The following TEX9 variants were observed in gnomAD, a reference collection of about 807,000 sequenced individuals.
TEX9 encodes testis-expressed protein 9.
Under a neutral mutation model 59.6 loss-of-function variants are expected in TEX9, and 74 were observed. The ratio of observed to expected loss-of-function variants is 1.24; its 90% CI spans 1.03 to 1.51. The LOEUF is 1.51. TEX9 is among the 40% of genes most tolerant of loss of function. TEX9 has a pLI of 0.00. For synonymous variants in TEX9, 186 were observed against 152.2 expected, an observed-to-expected ratio of 1.22 and a Z score of -1.64; for missense variants, 522 against 447.8, an observed-to-expected ratio of 1.17 and a Z score of -1.49.
chr15:56,436,270 T>C (rs568878462), intron 12 of TEX9, among the ~76,000 whole-genome samples: 4 of 152,286 alleles, frequency 2.6e-5, no homozygotes, highest in East Asian at 3.9e-4. Context: ...CAGACCACAG[T>C]GCAATCAAAC....
chr15:56,315,762 A>G (rs2045741299), intron 1 of TEX9, among the ~76,000 whole-genome samples: 1 of 146,542 alleles, frequency 6.8e-6, no homozygotes, highest in East Asian at 2.0e-4. Context: ...ACTTGGTTCC[A>G]TTCTCCCCAT....
chr15:56,365,291 G>A, upstream of TEX9: 1 of 942,010 alleles, frequency 1.1e-6, no homozygotes, highest in Non-Finnish European at 1.5e-6. Context: ...GCCGAGTGCT[G>A]CGAGCAAAGG....
At chr15:56,394,768 A>G (rs2142334744) in exon 9 of TEX9, 1 of 1,613,262 alleles carries the variant, frequency 6.2e-7, no homozygotes, top group Non-Finnish European at 8.5e-7. Context: ...AAAAATACAA[A>G]ACTCTTTTCG....
At chr15:56,372,972 C>A (rs1287302939) in intron 2 of TEX9, among the ~76,000 whole-genome samples, 1 of 152,132 alleles carries the variant, frequency 6.6e-6, no homozygotes, top group African/African-American at 2.4e-5. Flanking sequence ...GGTCTGCTCA[C>A]TAAACCTCAC....
At chr15:56,425,052 A>T (rs2050175756) in intron 10 of TEX9, among the ~76,000 whole-genome samples, 1 of 152,022 alleles carries the variant, frequency 6.6e-6, no homozygotes, top group Non-Finnish European at 1.5e-5. Flanking sequence ...TCAGCCCTTT[A>T]AATATATCAT....
chr15:56,430,485 C>A (rs1408576697), intron 12 of TEX9, among the ~76,000 whole-genome samples: 1 of 152,168 alleles, frequency 6.6e-6, no homozygotes, highest in Non-Finnish European at 1.5e-5. Context: ...GGATTATAGG[C>A]ATGAGTTGCC....
At chr15:56,306,477 G>A (rs754469592) in intron 1 of TEX9, among the ~76,000 whole-genome samples, 6 of 152,092 alleles carry the variant, frequency 3.9e-5, no homozygotes, top group African/African-American at 1.4e-4. Context: ...TGGAACTGAG[G>A]TTTATTATGT....
intron 1 of TEX9, among the ~76,000 whole-genome samples, chr15:56,300,696 AGAGAGAGAGAGG>A (rs746840134): frequency 3.4e-5 from 2 of 59,518 alleles, no homozygotes; most frequent in East Asian, 3.3e-4. Context: ...AGAGAGAGAG[AGAGAGAGAGAGG>A]GAGAGAGAGA....
intron 12 of TEX9, among the ~76,000 whole-genome samples, chr15:56,440,579 G>A (rs1442224824): frequency 3.3e-5 from 5 of 152,038 alleles, no homozygotes; most frequent in African/African-American, 1.2e-4. Flanking sequence ...GCCCTTTAAT[G>A]GGCAAATGGT....
At chr15:56,426,745 A>C (rs2050300764) in intron 10 of TEX9, among the ~76,000 whole-genome samples, 1 of 149,600 alleles carries the variant, frequency 6.7e-6, no homozygotes, top group Non-Finnish European at 1.5e-5. Flanking sequence ...TTCTGGTATC[A>C]TTTTCCTTTT....
At chr15:56,426,560 G>T (rs1187351702) in intron 10 of TEX9, among the ~76,000 whole-genome samples, 4 of 27,348 alleles carry the variant, frequency 1.5e-4, no homozygotes, top group African/African-American at 3.2e-4. Flanking sequence ...TTTTAAAGAG[G>T]TGTTTTTTTT....
At chr15:56,368,502 T>C (rs940062303) in intron 2 of TEX9, among the ~76,000 whole-genome samples, 14 of 152,122 alleles carry the variant, frequency 9.2e-5, no homozygotes, top group Admixed American at 2.6e-4. Flanking sequence ...TTAGAGATTT[T>C]CTGCCCTTTG....
At chr15:56,410,871 A>G (rs1233180373) in intron 9 of TEX9, among the ~76,000 whole-genome samples, 1 of 152,250 alleles carries the variant, frequency 6.6e-6, no homozygotes, top group African/African-American at 2.4e-5. Flanking sequence ...AGATAAATCA[A>G]GCTAGCTCTT....
At chr15:56,316,842 T>G (rs1294405200) in intron 1 of TEX9, among the ~76,000 whole-genome samples, 1 of 152,218 alleles carries the variant, frequency 6.6e-6, no homozygotes, top group Non-Finnish European at 1.5e-5. Flanking sequence ...GTGCGGGATA[T>G]AATCTCGTGG....
At chr15:56,316,265 T>A (rs568206751) in intron 1 of TEX9, among the ~76,000 whole-genome samples, 1 of 151,716 alleles carries the variant, frequency 6.6e-6, no homozygotes, top group South Asian at 2.1e-4. Flanking sequence ...TTCTGTTTTT[T>A]CCCCATCTTT....
intron 1 of TEX9, among the ~76,000 whole-genome samples, chr15:56,317,175 C>T (rs555346222): frequency 1.3e-5 from 2 of 152,326 alleles, no homozygotes; most frequent in Admixed American, 6.5e-5. Context: ...TGGCTCCTCC[C>T]CCCTTGTGGG....
intron 1 of TEX9, among the ~76,000 whole-genome samples, chr15:56,330,039 A>AG (rs1491137939): frequency 2.2e-5 from 3 of 138,982 alleles, no homozygotes; most frequent in Admixed American, 7.8e-5. Context: ...AAGAAAAAAA[A>AG]CAAACAAACA....
intron 10 of TEX9, among the ~76,000 whole-genome samples, chr15:56,418,351 G>A (rs1381648840): frequency 6.6e-6 from 1 of 151,774 alleles, no homozygotes; most frequent in African/African-American, 2.4e-5. Flanking sequence ...CTTCTTTCAA[G>A]AGCTTTGGTA....
At chr15:56,245,559 A>G (rs1281214976) in intron 1 of TEX9, among the ~76,000 whole-genome samples, 1 of 152,176 alleles carries the variant, frequency 6.6e-6, no homozygotes, top group Non-Finnish European at 1.5e-5. Context: ...GACCTAATTG[A>G]TAGACATGGT....
Sources: gnomAD v4.1 joint callset for allele counts (sites outside exome capture counted in the v4.1 genomes callset) on GRCh38, gnomAD v4.1.1 for gene constraint, MANE v1.5 for transcripts, NCBI Gene and HGNC (gene_info 2026-07-23, HGNC 2026-07-21) for gene names.